SETBP1: variants seen among roughly 807,000 people sequenced by gnomAD.
SETBP1 encodes the protein SET binding protein 1, also known as SET-binding protein.
SETBP1 carries 9 observed loss-of-function variants against 101.0 expected under a neutral mutation model. The observed-to-expected ratio is 0.09, with a 90% CI of 0.05 to 0.16. SETBP1 has a LOEUF of 0.16. Ranked by LOEUF, SETBP1 falls within the 10% of genes least tolerant of loss-of-function variation. SETBP1 has a pLI of 1.00. For synonymous variants in SETBP1, 818 were observed against 788.5 expected, an observed-to-expected ratio of 1.04 and a Z score of -0.63; for missense variants, 1,858 against 2,033.8, an observed-to-expected ratio of 0.91 and a Z score of 1.66.
chr18:44,988,405 G>A (rs1436951810), intron 4 of SETBP1: 2 of 152,182 alleles, frequency 1.3e-5, no homozygotes, highest in Non-Finnish European at 2.9e-5. Context: ...AAAGGTTTCT[G>A]TTTACAAGAT....
At chr18:44,818,596 A>T (rs1249540392) in intron 2 of SETBP1, among the ~76,000 whole-genome samples, 1 of 152,122 alleles carries the variant, frequency 6.6e-6, no homozygotes, top group Non-Finnish European at 1.5e-5. Context: ...ACTACCTTTT[A>T]AAAAGATTGA....
intron 4 of SETBP1, among the ~76,000 whole-genome samples, chr18:45,003,661 A>C (rs543966835): frequency 2.7e-5 from 4 of 150,128 alleles, no homozygotes; most frequent in Non-Finnish European, 5.9e-5. Context: ...TCCACATTAG[A>C]TGCTGGAAGA....
chr18:44,714,241 C>T (rs1296851421), intron 2 of SETBP1, among the ~76,000 whole-genome samples: 1 of 152,134 alleles, frequency 6.6e-6, no homozygotes, highest in Non-Finnish European at 1.5e-5. Context: ...CTCTGTCACC[C>T]AGGCTGGTGT....
intron 3 of SETBP1, among the ~76,000 whole-genome samples, chr18:44,943,824 T>C (rs980607637): frequency 8.5e-6 from 1 of 117,792 alleles, no homozygotes; most frequent in Non-Finnish European, 1.7e-5. Flanking sequence ...TGGTCCTTTC[T>C]TTTTTCTTTT....
chr18:44,804,779 A>G (rs1410622694), intron 2 of SETBP1, among the ~76,000 whole-genome samples: 1 of 152,096 alleles, frequency 6.6e-6, no homozygotes, highest in African/African-American at 2.4e-5. Flanking sequence ...CTTATTAGTA[A>G]AAAGAATGAG....
chr18:44,855,406 G>A (rs1327211180), intron 2 of SETBP1, among the ~76,000 whole-genome samples: 2 of 152,166 alleles, frequency 1.3e-5, no homozygotes, highest in Non-Finnish European at 2.9e-5. Context: ...CCGTGCAAAA[G>A]TCTGACTACC....
chr18:44,806,710 C>G (rs946247597), intron 2 of SETBP1, among the ~76,000 whole-genome samples: 1 of 126,466 alleles, frequency 7.9e-6, no homozygotes, highest in African/African-American at 3.0e-5. Context: ...GTTACATTGC[C>G]CAGGCTGGAG....
chr18:44,807,309 C>CT (rs35461152), intron 2 of SETBP1, among the ~76,000 whole-genome samples: 28 of 148,696 alleles, frequency 1.9e-4, no homozygotes, highest in East Asian at 9.8e-4. Flanking sequence ...TCTTAAGAGT[C>CT]TTTTTTTTTT....
At chr18:44,979,199 C>T (rs1463274206) in intron 4 of SETBP1, among the ~76,000 whole-genome samples, 2 of 152,170 alleles carry the variant, frequency 1.3e-5, no homozygotes, top group African/African-American at 4.8e-5. Context: ...CCCAACCCAC[C>T]GAATCTGCAT....
chr18:44,973,577 T>G (rs773984322), intron 4 of SETBP1, among the ~76,000 whole-genome samples: 32 of 152,226 alleles, frequency 2.1e-4, no homozygotes, highest in Middle Eastern at 3.4e-3. Flanking sequence ...GGCAAATGGA[T>G]AGAGTCATCA....
rs141910104 is a variant in SETBP1 at position 45,045,642 on chromosome 18, G to C, written c.4171+6987G>C. The stretch of plus-strand genomic sequence containing the variant: ...GCTCTGGTTGAATGCATGTGTTCTG[G>C]CTTTATATTGCCTGTGTTGAAATCT... On this transcript the variant is annotated intron_variant, in intron 5 of 5. Coordinates refer to ENST00000649279, the MANE Select transcript of SETBP1 (RefSeq NM_015559.3). Among the ~76,000 whole-genome samples the C allele has an allele frequency of 1.4e-4, 21 of 152,204 alleles. 1 individual carries two copies. The East Asian group carries it at 4.1e-3, about 29-fold the overall frequency.
At chr18:44,763,060 GA>G (rs1208285057) in intron 2 of SETBP1, among the ~76,000 whole-genome samples, 1 of 152,190 alleles carries the variant, frequency 6.6e-6, no homozygotes, top group African/African-American at 2.4e-5. Flanking sequence ...AGACAAGACA[GA>G]AATTATTCTA....
intron 4 of SETBP1, among the ~76,000 whole-genome samples, chr18:45,014,267 A>G (rs2072898683): frequency 6.6e-6 from 1 of 152,212 alleles, no homozygotes; most frequent in Non-Finnish European, 1.5e-5. Context: ...AATCGGTTTC[A>G]GCCCAGGCCA....
chr18:45,036,796 C>T (rs2073406946), intron 4 of SETBP1, among the ~76,000 whole-genome samples: 1 of 152,192 alleles, frequency 6.6e-6, no homozygotes, highest in South Asian at 2.1e-4. Context: ...ACTGGGGCCT[C>T]TTCATCCTTA....
chr18:44,888,167 T>A (rs1415768023), intron 3 of SETBP1, among the ~76,000 whole-genome samples: 4 of 152,070 alleles, frequency 2.6e-5, no homozygotes, highest in Non-Finnish European at 2.9e-5. Context: ...CTACACCAGG[T>A]TCCCAGTGAG....
intron 2 of SETBP1, among the ~76,000 whole-genome samples, chr18:44,811,250 A>G (rs2071856682): frequency 6.6e-6 from 1 of 152,242 alleles, no homozygotes; most frequent in Non-Finnish European, 1.5e-5. Context: ...TCCGGGCTGC[A>G]ACCTTGATCC....
intron 3 of SETBP1, among the ~76,000 whole-genome samples, chr18:44,912,253 A>G (rs2070327071): frequency 6.6e-6 from 1 of 152,194 alleles, no homozygotes; most frequent in Non-Finnish European, 1.5e-5. Context: ...TTCAAGGCAT[A>G]TAATGATAGC....
chr18:44,816,482 A>G (rs2071979575), intron 2 of SETBP1, among the ~76,000 whole-genome samples: 1 of 152,170 alleles, frequency 6.6e-6, no homozygotes, highest in Admixed American at 6.5e-5. Context: ...TGGGAAAGGC[A>G]AGTGGTAAGT....
At chr18:44,693,190 AG>A (rs2144142766) in intron 1 of SETBP1, among the ~76,000 whole-genome samples, 1 of 152,292 alleles carries the variant, frequency 6.6e-6, no homozygotes, top group East Asian at 1.9e-4. Flanking sequence ...ACTTAGTTAT[AG>A]GCAGCTGAGT....
Sources: gnomAD v4.1 joint callset for allele counts (sites outside exome capture counted in the v4.1 genomes callset) on GRCh38, gnomAD v4.1.1 for gene constraint, MANE v1.5 for transcripts, NCBI Gene and HGNC (gene_info 2026-07-23, HGNC 2026-07-21) for gene names.